NINL: variants seen among roughly 807,000 people sequenced by gnomAD.
NINL encodes the protein ninein like.
Under a neutral mutation model 160.3 loss-of-function variants are expected in NINL, and 153 were observed. The ratio of observed to expected loss-of-function variants is 0.95; its 90% CI spans 0.84 to 1.09. The LOEUF is 1.09. Among genes scored for constraint, NINL ranks in the 50% least tolerant of loss-of-function variants. NINL has a pLI of 0.00. For missense variants in NINL, 1,829 were observed against 1,764.0 expected (o/e 1.04, Z -0.66); for synonymous variants, 800 against 734.8 (o/e 1.09, Z -1.43).
chr20:25,461,667 G>T, intron 20 of NINL, 32 bp from the exon 21 acceptor site: 1 of 1,355,432 alleles, frequency 7.4e-7, no homozygotes. Context: ...CACAAGTCAA[G>T]AAGTATCTGA....
chr20:25,453,556 C>T lies in NINL; in HGVS notation c.4044G>A (p.Glu1348=), dbSNP rs1172957904. The T allele has an allele frequency of 3.7e-6, 6 of 1,614,184 alleles. No homozygotes were observed. The South Asian group carries it at 6.6e-5, about 18-fold the overall frequency. Residue 1348 remains glutamate, a synonymous_variant, in exon 24 of 24, where the codon GAG becomes GAA. Transcript: ENST00000278886. ...AHLVRALQAT[E]EKQRGAEKQS... The stretch of plus-strand genomic sequence containing the variant: ...GTTTCTCGGCGCCTCGCTGCTTCTC[C>T]TCGGTGGCCTGAAGTGCTCTCACCA...
intron 1 of NINL, among the ~76,000 whole-genome samples, chr20:25,556,269 G>A (rs1000414108): frequency 1.7e-4 from 26 of 152,136 alleles, no homozygotes; most frequent in Non-Finnish European, 2.2e-4. Flanking sequence ...GGGTGACAGA[G>A]CAAGACCCTG....
intron 1 of NINL, among the ~76,000 whole-genome samples, chr20:25,563,376 C>T (rs936180450): frequency 7.2e-5 from 11 of 152,120 alleles, no homozygotes; most frequent in African/African-American, 2.4e-4. Flanking sequence ...AATATGAATA[C>T]CATAATCCCT....
chr20:25,464,673 T>G (rs1488259596), intron 19 of NINL, among the ~76,000 whole-genome samples: 1 of 152,172 alleles, frequency 6.6e-6, no homozygotes, highest in Middle Eastern at 3.2e-3. Context: ...CAGCTACTGC[T>G]TCAGGACAGT....
chr20:25,562,251 G>C (rs1185215725), intron 1 of NINL, among the ~76,000 whole-genome samples: 3 of 107,462 alleles, frequency 2.8e-5, no homozygotes, highest in African/African-American at 7.0e-5. Context: ...CTACTGGGAA[G>C]TGAGGAGCCC....
rs150265900 is a variant in NINL, at chr20:25,504,106, T to C, written c.709-2A>G. On this transcript the variant is annotated splice_acceptor_variant, in intron 6 of 23. Transcript: ENST00000278886. LOFTEE classifies it high-confidence loss of function. ...TTTGTTAAACAGGTCTTCGAGTTCC[T>C]AAACAAAAGCCGTCATATCTCAGGC... 2 of 1,561,854 alleles carry C rather than the reference T, an allele frequency of 1.3e-6. No individual in the cohort carries two copies. Among genetic ancestry groups the C allele is most frequent in the Non-Finnish European group, 1.7e-6 (2 of 1,155,156 alleles).
chr20:25,495,613 C>T (rs1472867755), intron 10 of NINL, among the ~76,000 whole-genome samples: 1 of 152,198 alleles, frequency 6.6e-6, no homozygotes, highest in East Asian at 1.9e-4. Flanking sequence ...CTTGCTGCCC[C>T]TGCCCAAGAG....
intron 1 of NINL, among the ~76,000 whole-genome samples, chr20:25,549,858 C>A (rs2064785454): frequency 6.6e-6 from 1 of 152,162 alleles, no homozygotes; most frequent in African/African-American, 2.4e-5. Context: ...AATCTCAGAA[C>A]TCCAGGTAGA....
At chr20:25,461,389 A>G in intron 21 of NINL, 133 bp downstream of exon 21, 2 of 606,630 alleles carry the variant, frequency 3.3e-6, no homozygotes, top group South Asian at 2.1e-5. Flanking sequence ...CCCGGTAAGC[A>G]CCTGGACAGC....
At chr20:25,517,636 G>A in intron 3 of NINL, 117 bp downstream of exon 3, 4 of 740,576 alleles carry the variant, frequency 5.4e-6, no homozygotes, top group South Asian at 3.6e-5. Flanking sequence ...CCTTGGGGGT[G>A]ACAGAAAGTA....
At chr20:25,555,815 C>T (rs1265649513) in intron 1 of NINL, among the ~76,000 whole-genome samples, 2 of 152,168 alleles carry the variant, frequency 1.3e-5, no homozygotes, top group Non-Finnish European at 2.9e-5. Context: ...CGTAGGATTA[C>T]AGGCATGCAC....
At chr20:25,502,933 A>G (rs1242504001) in intron 7 of NINL, among the ~76,000 whole-genome samples, 2 of 152,248 alleles carry the variant, frequency 1.3e-5, no homozygotes, top group Non-Finnish European at 2.9e-5. Flanking sequence ...AGTCTCAAGT[A>G]TTCCTTTAGC....
Position 25,482,030 on chromosome 20 carries a change from C to G in NINL, c.1748G>C (p.Arg583Pro). ...ATCCGGGCTCCATGAGGGGCTGTGC[C>G]GGTTCTTGGGCAGCCGCGCCCACAG... ...EGLWARLPKNRHSPSWSPDGR... is the reference protein window; with the variant it reads ...EGLWARLPKNPHSPSWSPDGR... Residue 583 changes from arginine to proline, a missense_variant, in exon 14 of 24, where the codon CGG (arginine) becomes CCG (proline). Arg to Pro is a moderately radical substitution (Grantham distance 103). Coordinates refer to ENST00000278886, the MANE Select transcript of NINL (RefSeq NM_025176.6). The G allele has an allele frequency of 1.3e-6, 2 of 1,598,652 alleles. No homozygotes were observed. Among genetic ancestry groups the G allele is most frequent in the South Asian group, 1.1e-5 (1 of 91,046 alleles).
At chr20:25,475,721 G>A (rs1297214441) in intron 17 of NINL, among the ~76,000 whole-genome samples, 1 of 152,186 alleles carries the variant, frequency 6.6e-6, no homozygotes, top group Non-Finnish European at 1.5e-5. Context: ...TTAGTCAGGC[G>A]TGGTGGCAGG....
intron 10 of NINL, among the ~76,000 whole-genome samples, chr20:25,494,984 A>T (rs998173457): frequency 6.6e-6 from 1 of 152,200 alleles, no homozygotes; most frequent in African/African-American, 2.4e-5. Context: ...GGACTGGGCC[A>T]GTTACTGAGC....
chr20:25,472,204 G>A (rs1421931447), intron 17 of NINL, among the ~76,000 whole-genome samples: 2 of 151,542 alleles, frequency 1.3e-5, no homozygotes, highest in Non-Finnish European at 2.9e-5. Context: ...ACATAGGTAT[G>A]TAAAAAATAC....
At chr20:25,537,464 C>T (rs565630496) in intron 1 of NINL, among the ~76,000 whole-genome samples, 4 of 152,340 alleles carry the variant, frequency 2.6e-5, no homozygotes, top group South Asian at 4.1e-4. Flanking sequence ...CAACGAGCAG[C>T]GCACCTGCTG....
chr20:25,532,402 C>T (rs2064480864), intron 1 of NINL, among the ~76,000 whole-genome samples: 1 of 152,256 alleles, frequency 6.6e-6, no homozygotes, highest in Admixed American at 6.5e-5. Context: ...AACAGCGGTC[C>T]CCTCTGGCCC....
chr20:25,455,630 A>T, intron 23 of NINL, 43 bp downstream of exon 23: 1 of 1,425,932 alleles, frequency 7.0e-7, no homozygotes, highest in Non-Finnish European at 9.9e-7. Flanking sequence ...GAGAGCGTTC[A>T]GAAGAGGACG....
Sources: gnomAD v4.1 joint callset for allele counts (sites outside exome capture counted in the v4.1 genomes callset) on GRCh38, gnomAD v4.1.1 for gene constraint, MANE v1.5 for transcripts, NCBI Gene and HGNC (gene_info 2026-07-23, HGNC 2026-07-21) for gene names.